The following ZNF362 variants were observed in gnomAD, a reference collection of about 807,000 sequenced individuals.
ZNF362 encodes the protein zinc finger protein 362.
In ZNF362, 11 loss-of-function variants were observed where a neutral mutation model predicts 42.9. That is an observed-to-expected ratio of 0.26 (90% confidence interval 0.16 to 0.42). ZNF362 has a LOEUF of 0.42. Ranked by LOEUF, ZNF362 falls within the 20% of genes least tolerant of loss-of-function variation. The pLI, the probability that ZNF362 is intolerant of heterozygous loss-of-function variation, is 1.00. For missense variants in ZNF362, 362 were observed against 576.2 expected, an observed-to-expected ratio of 0.63 and a Z score of 3.81; for synonymous variants, 255 against 257.3, an observed-to-expected ratio of 0.99 and a Z score of 0.09.
At chr1:33,128,677 G>C in the ZNF362 span, among the ~76,000 whole-genome samples, 1 of 152,146 alleles carries the variant, frequency 6.6e-6, no homozygotes, top group African/African-American at 2.4e-5. Context: ...TTACAAAGTG[G>C]CTGCTCTCTG....
At chr1:33,159,096 C>T in the ZNF362 span, among the ~76,000 whole-genome samples, 9 of 151,926 alleles carry the variant, frequency 5.9e-5, no homozygotes, top group Non-Finnish European at 1.0e-4. The surrounding 1 kb of genome is among the most constrained non-coding windows in gnomAD (Gnocchi z 4.2). Flanking sequence ...CCACCTGCCT[C>T]GGCCTCCCAA....
At chr1:33,254,289 A>G (rs950813283), upstream of ZNF362, among the ~76,000 whole-genome samples, 1 of 151,936 alleles carries the variant, frequency 6.6e-6, no homozygotes. Flanking sequence ...ACGCCTGGCT[A>G]ATTTTTGTAT....
At chr1:33,247,352 G>C in the ZNF362 span, among the ~76,000 whole-genome samples, 1 of 152,228 alleles carries the variant, frequency 6.6e-6, no homozygotes, top group African/African-American at 2.4e-5. Flanking sequence ...AAACCACACA[G>C]CGTGTGAATG....
chr1:33,187,533 G>A, the ZNF362 span, among the ~76,000 whole-genome samples: 1 of 152,128 alleles, frequency 6.6e-6, no homozygotes, highest in East Asian at 1.9e-4. Context: ...TGCTGTAGTT[G>A]GTCCTAAAGT....
the ZNF362 span, among the ~76,000 whole-genome samples, chr1:33,230,768 C>T: frequency 6.6e-6 from 1 of 152,210 alleles, no homozygotes; most frequent in Admixed American, 6.5e-5. Flanking sequence ...CTTTGTTTAT[C>T]CAAACAATGG....
chr1:33,195,915 T>G, the ZNF362 span: 1 of 152,328 alleles, frequency 6.6e-6, no homozygotes, highest in South Asian at 2.1e-4. Context: ...CTTTATAAAC[T>G]TTTTAAACTT....
the ZNF362 span, among the ~76,000 whole-genome samples, chr1:33,232,916 A>G: frequency 6.6e-6 from 1 of 152,192 alleles, no homozygotes; most frequent in African/African-American, 2.4e-5. Context: ...AACATTTGTA[A>G]GGTTCTTACT....
chr1:33,176,265 C>T, the ZNF362 span: 6 of 500,442 alleles, frequency 1.2e-5, no homozygotes, highest in South Asian at 1.2e-4. Context: ...AGGGCTAGTT[C>T]TTACTTCCAT....
At chr1:33,174,134 C>T in the ZNF362 span, among the ~76,000 whole-genome samples, 1 of 150,094 alleles carries the variant, frequency 6.7e-6, no homozygotes, top group East Asian at 2.0e-4. Context: ...CTTCCCCCTT[C>T]TTCTCCCTTC....
At chr1:33,175,142 G>A in the ZNF362 span, among the ~76,000 whole-genome samples, 12 of 151,622 alleles carry the variant, frequency 7.9e-5, no homozygotes, top group African/African-American at 2.9e-4. Flanking sequence ...CGGTTCAAGC[G>A]ATTCTCGTGC....
chr1:33,289,228 C>T (rs1646056742), intron 6 of ZNF362, among the ~76,000 whole-genome samples: 1 of 152,176 alleles, frequency 6.6e-6, no homozygotes, highest in East Asian at 1.9e-4. Flanking sequence ...GCTGCATCTG[C>T]ATGTGTGTTG....
the ZNF362 span, among the ~76,000 whole-genome samples, chr1:33,227,041 G>T: frequency 9.6e-4 from 146 of 152,108 alleles, no homozygotes; most frequent in Non-Finnish European, 1.6e-3. Flanking sequence ...AGAATACTGG[G>T]GACAGTGATA....
the ZNF362 span, among the ~76,000 whole-genome samples, chr1:33,187,820 C>T: frequency 1.3e-5 from 2 of 152,154 alleles, no homozygotes; most frequent in Non-Finnish European, 1.5e-5. Context: ...CATAAATTTG[C>T]CAAGTGGGTC....
the ZNF362 span, among the ~76,000 whole-genome samples, chr1:33,175,583 C>A: frequency 6.6e-6 from 1 of 152,168 alleles, no homozygotes; most frequent in Non-Finnish European, 1.5e-5. Flanking sequence ...TTGGTGCTCC[C>A]TGGGACAGTT....
the ZNF362 span, among the ~76,000 whole-genome samples, chr1:33,132,265 A>G: frequency 6.6e-6 from 1 of 152,236 alleles, no homozygotes; most frequent in Non-Finnish European, 1.5e-5. Flanking sequence ...TCTAGGGGTC[A>G]GCAAACCTTT....
At chr1:33,148,986 A>G in the ZNF362 span, among the ~76,000 whole-genome samples, 1 of 151,836 alleles carries the variant, frequency 6.6e-6, no homozygotes, top group African/African-American at 2.4e-5. Flanking sequence ...CCCCTACCCC[A>G]CTTAGGTCCA....
the ZNF362 span, among the ~76,000 whole-genome samples, chr1:33,212,819 AT>A: frequency 3.3e-5 from 5 of 152,212 alleles, no homozygotes; most frequent in Non-Finnish European, 7.3e-5. Context: ...TGGGAATTAC[AT>A]TTTAACATGA....
chr1:33,181,630 G>A, the ZNF362 span: 6 of 1,016,546 alleles, frequency 5.9e-6, no homozygotes, highest in Non-Finnish European at 8.2e-6. The surrounding 1 kb of genome is among the most constrained non-coding windows in gnomAD (Gnocchi z 6.5). Flanking sequence ...GAGACTCCGT[G>A]GGACGCCAGC....
the ZNF362 span, chr1:33,147,777 A>G: frequency 6.4e-7 from 1 of 1,571,860 alleles, no homozygotes; most frequent in South Asian, 1.2e-5. The surrounding 1 kb of genome is among the most constrained non-coding windows in gnomAD (Gnocchi z 8.1). Flanking sequence ...AAGGCTGTGG[A>G]CCCACCATGC....
Sources: allele counts gnomAD v4.1 joint callset (sites outside exome capture counted in the v4.1 genomes callset), GRCh38; gene constraint gnomAD v4.1.1; non-coding constraint Gnocchi (gnomAD v3.1); transcripts MANE v1.5; gene names NCBI Gene and HGNC (gene_info 2026-07-23, HGNC 2026-07-21).